The following ACSL5 variants were observed in gnomAD, a reference collection of about 807,000 sequenced individuals.
ACSL5 encodes acyl-CoA synthetase long chain family member 5, also known as long-chain-fatty-acid--CoA ligase 5.
In ACSL5, 50 loss-of-function variants were observed where a neutral mutation model predicts 84.9. The observed-to-expected ratio is 0.59, with a 90% CI of 0.47 to 0.75. The LOEUF (loss-of-function observed/expected upper bound fraction) is 0.75, where lower values mean the gene tolerates loss of function less well. Among genes scored for constraint, ACSL5 ranks in the 30% least tolerant of loss-of-function variants. The pLI is 0.00. For missense variants in ACSL5, 775 were observed against 830.4 expected, an observed-to-expected ratio of 0.93 and a Z score of 0.82; for synonymous variants, 280 against 300.7, an observed-to-expected ratio of 0.93 and a Z score of 0.71.
rs997306702 is a variant in ACSL5, at chr10:112,381,483, A to G, written c.-30+7214A>G. 2.0e-5 allele frequency among the ~76,000 whole-genome samples: 3 copies of G among 151,916 alleles called. No homozygotes were observed. The South Asian group carries it at 6.2e-4, about 32-fold the overall frequency. On this transcript the variant is annotated intron_variant, in intron 1 of 20. Coordinates refer to ENST00000354655, the MANE Select transcript of ACSL5 (RefSeq NM_203379.2). Reference sequence around the variant, plus strand: ...AGAGTTCGAGACCAGCCTGGCCAACATGGTGAAACCCCCTCTACTAAAAAT... The same window carrying G: ...AGAGTTCGAGACCAGCCTGGCCAACGTGGTGAAACCCCCTCTACTAAAAAT...
At chr10:112,412,194 G>A (rs761106207) in intron 11 of ACSL5, 5 of 540,862 alleles carry the variant, frequency 9.2e-6, no homozygotes, top group African/African-American at 1.9e-5. Flanking sequence ...AGGGAGGATA[G>A]TACTTGCTCC....
intron 3 of ACSL5, among the ~76,000 whole-genome samples, chr10:112,400,406 C>CTTTTTTTTTTTT (rs573644087): frequency 1.9e-4 from 19 of 98,866 alleles, no homozygotes; most frequent in South Asian, 3.9e-4. Flanking sequence ...TTTTTCTTTT[C>CTTTTTTTTTTTT]TTTTTTTTTT....
chr10:112,379,983 T>A (rs1849317564), intron 1 of ACSL5, among the ~76,000 whole-genome samples: 1 of 152,218 alleles, frequency 6.6e-6, no homozygotes, highest in Non-Finnish European at 1.5e-5. Flanking sequence ...TTGTCCGGCC[T>A]ATCTTTTTAC....
intron 14 of ACSL5, among the ~76,000 whole-genome samples, chr10:112,418,481 C>T (rs1589696672): frequency 6.6e-6 from 1 of 152,230 alleles, no homozygotes; most frequent in South Asian, 2.1e-4. Context: ...ACTCGGGAGG[C>T]TGAGGCGGGA....
In ACSL5 at chr10:112,426,248, C is replaced by G. The variant is rs771788750; in HGVS notation, c.1738-10C>G. 1 of 1,611,368 alleles carries G rather than the reference C, an allele frequency of 6.2e-7. No individual in the cohort carries two copies. Among genetic ancestry groups the G allele is most frequent in the Non-Finnish European group, 8.5e-7 (1 of 1,177,580 alleles). On this transcript the variant is annotated splice_polypyrimidine_tract_variant and intron_variant, in intron 18 of 20. Transcript: ENST00000354655. ...CTCATGCCCTTGCACCTTTTATTTCCTTTCCATAGTCATCCTTAGTAGGAG... is the reference window on the plus strand; with the variant it reads ...CTCATGCCCTTGCACCTTTTATTTCGTTTCCATAGTCATCCTTAGTAGGAG...
intron 1 of ACSL5, chr10:112,375,542 G>A (rs1160825070): frequency 6.6e-6 from 1 of 152,340 alleles, no homozygotes; most frequent in Non-Finnish European, 1.5e-5. Flanking sequence ...TTCATTCTGA[G>A]GTATCTGTGA....
chr10:112,412,489 C>T (rs553366055), intron 11 of ACSL5: 3 of 153,596 alleles, frequency 2.0e-5, no homozygotes, highest in Admixed American at 6.5e-5. Context: ...GAGGTCTGCT[C>T]TTCTGTGAGT....
At chr10:112,376,367 A>AGG in intron 1 of ACSL5, 1 of 1,614,156 alleles carries the variant, frequency 6.2e-7, no homozygotes, top group Middle Eastern at 1.6e-4. Flanking sequence ...GAAGAAGGAC[A>AGG]GGGACTCGTG....
rs1312239786 is a variant in ACSL5, at chr10:112,427,222, A to G, written c.1916A>G (p.Lys639Arg). The change falls in exon 21 of 21, where the codon AAA becomes AGA. Residue 639 changes from lysine to arginine, a missense_variant. By Grantham distance (26) the Lys-to-Arg change is conservative. Transcript: ENST00000354655. ...GTGTGTGTGTTCATCTTCCAGGTCA[A>G]AGCCATTTTTCTTCATCCAGAGCCA... is the stretch of plus-strand genomic sequence containing the variant. ...ESGLKTFEQV[K>R]AIFLHPEPFS... 1.2e-6 allele frequency: 2 copies of G among 1,611,746 alleles called. No homozygotes were observed. Among genetic ancestry groups the G allele is most frequent in the Non-Finnish European group, 1.7e-6 (2 of 1,179,110 alleles).
intron 1 of ACSL5, chr10:112,375,421 A>G (rs41292614): frequency 0.03 from 4,633 of 152,312 alleles, 96 homozygotes; most frequent in Non-Finnish European, 0.047. Context: ...GAAGCTTTTA[A>G]GAACTGCTCT....
chr10:112,413,455 G>A (rs2133638064), intron 12 of ACSL5, 148 bp downstream of exon 12: 1 of 1,094,290 alleles, frequency 9.1e-7, no homozygotes, highest in Non-Finnish European at 1.3e-6. Context: ...GCCAGGTGTG[G>A]TGGCTCACTT....
At chr10:112,388,583 G>C (rs937476571) in intron 1 of ACSL5, among the ~76,000 whole-genome samples, 10 of 152,144 alleles carry the variant, frequency 6.6e-5, no homozygotes, top group African/African-American at 2.4e-4. Context: ...ACCACTTGTT[G>C]AAAGTTTTTT....
intron 3 of ACSL5, 41 bp downstream of exon 3, chr10:112,399,050 G>A (rs1032276118): frequency 7.3e-6 from 11 of 1,509,926 alleles, no homozygotes; most frequent in Middle Eastern, 1.9e-4. Flanking sequence ...AAGACAAGGT[G>A]AGGTCTGTGG....
At chr10:112,425,307 A>T in intron 17 of ACSL5, 31 bp from the exon 18 acceptor site, 1 of 1,581,290 alleles carries the variant, frequency 6.3e-7, no homozygotes, top group Non-Finnish European at 8.6e-7. Flanking sequence ...TGTGGCTCAA[A>T]AATACTGATA....
At chr10:112,420,823 G>C (rs1321617564) in intron 14 of ACSL5, among the ~76,000 whole-genome samples, 2 of 151,916 alleles carry the variant, frequency 1.3e-5, no homozygotes, top group African/African-American at 4.8e-5. Flanking sequence ...CTGGGTTCAA[G>C]CAATTCTCCT....
chr10:112,412,018 G>T, intron 11 of ACSL5, 39 bp downstream of exon 11: 2 of 1,543,960 alleles, frequency 1.3e-6, no homozygotes, highest in Non-Finnish European at 1.8e-6. Context: ...TGGCAAGGGG[G>T]TCCTGACTTG....
At position 112,408,437 on chromosome 10, in the gene ACSL5, T is replaced by A; in HGVS notation, c.448T>A (p.Leu150Met). 6.2e-7 allele frequency: 1 copy of A among 1,612,064 alleles called. No individual in the cohort carries two copies. Among genetic ancestry groups the A allele is most frequent in the Non-Finnish European group, 8.5e-7 (1 of 1,178,120 alleles). The change falls in exon 6 of 21, where the codon TTG becomes ATG. Residue 150 changes from leucine (L) to methionine (M), a missense_variant. By Grantham distance (15) the Leu-to-Met change is conservative. Coordinates refer to ENST00000354655, the MANE Select transcript of ACSL5 (RefSeq NM_203379.2). Reference sequence around the variant, plus strand: ...CTCTGTACAGTGGATCATCTCCGAATTGGCTTGTTACACGTACTCTATGGT... The same window carrying A: ...CTCTGTACAGTGGATCATCTCCGAAATGGCTTGTTACACGTACTCTATGGT... ...QNRPEWIISE[L>M]ACYTYSMVAV...
intron 5 of ACSL5, among the ~76,000 whole-genome samples, chr10:112,407,494 T>C (rs562115790): frequency 5.5e-4 from 83 of 152,236 alleles, no homozygotes; most frequent in African/African-American, 1.9e-3. Context: ...AGTGCTGGGA[T>C]TACAGGCATG....
At position 112,411,522 on chromosome 10, in the gene ACSL5, G is replaced by A. The variant is rs1844176211; in HGVS notation, c.863G>A (p.Cys288Tyr). ...TCAAATGCTGCTGCCTTTCTCAAAT[G>A]TGTGGAGGTCAGTGGTCAGTTGAAA... ...IVSNAAAFLK[C>Y]VEHAYEPTPD... Residue 288 changes from cysteine to tyrosine, a missense_variant, in exon 10 of 21, where the codon TGT becomes TAT. Transcript: ENST00000354655. The A allele has an allele frequency of 6.2e-7, 1 of 1,613,380 alleles. No individual in the cohort carries two copies. Among genetic ancestry groups the A allele is most frequent in the South Asian group, 1.1e-5 (1 of 91,076 alleles).
Sources: gnomAD v4.1 joint callset for allele counts (sites outside exome capture counted in the v4.1 genomes callset) on GRCh38, gnomAD v4.1.1 for gene constraint, MANE v1.5 for transcripts, NCBI Gene and HGNC (gene_info 2026-07-23, HGNC 2026-07-21) for gene names.